The following DHX15 variants were observed in gnomAD, a reference collection of about 807,000 sequenced individuals.
DHX15 encodes the protein DEAH-box helicase 15, also known as ATP-dependent RNA helicase DHX15.
Under a neutral mutation model 94.4 loss-of-function variants are expected in DHX15, and 11 were observed. That is an observed-to-expected ratio of 0.12 (90% confidence interval 0.07 to 0.19). The LOEUF (loss-of-function observed/expected upper bound fraction) is 0.19, where lower values mean the gene tolerates loss of function less well. Ranked by LOEUF, DHX15 falls within the 10% of genes least tolerant of loss-of-function variation. The probability of loss-of-function intolerance (pLI) is 1.00; values close to 1 mark genes in which losing one functional copy is unlikely to be tolerated. For synonymous variants in DHX15, 338 were observed against 329.9 expected, an observed-to-expected ratio of 1.02 and a Z score of -0.27; for missense variants, 304 against 988.5, an observed-to-expected ratio of 0.31 and a Z score of 9.29.
At chr4:24,577,717 A>G (rs2109012341) in intron 1 of DHX15, among the ~76,000 whole-genome samples, 1 of 152,252 alleles carries the variant, frequency 6.6e-6, no homozygotes, top group Non-Finnish European at 1.5e-5. Flanking sequence ...GAACTTCACA[A>G]GCAGAATGGC....
chr4:24,547,953 ATCTATATC>A (rs1721487374), intron 6 of DHX15, among the ~76,000 whole-genome samples: 9 of 124,658 alleles, frequency 7.2e-5, no homozygotes, highest in African/African-American at 3.1e-4. Context: ...CTATATCTAT[ATCTATATC>A]TATCTGCTGA....
intron 2 of DHX15, among the ~76,000 whole-genome samples, chr4:24,575,474 A>T (rs1034385831): frequency 6.6e-6 from 1 of 152,254 alleles, no homozygotes; most frequent in African/African-American, 2.4e-5. Context: ...AATGCAAATT[A>T]AAAAGTACAT....
intron 11 of DHX15, among the ~76,000 whole-genome samples, chr4:24,534,725 CATTTT>C (rs2109393004): frequency 6.6e-6 from 1 of 152,234 alleles, no homozygotes; most frequent in East Asian, 1.9e-4. Context: ...ATTAAGACAA[CATTTT>C]AATTGACATG....
intron 6 of DHX15, among the ~76,000 whole-genome samples, chr4:24,547,925 ATATATATATATATATATCTATATC>A (rs1560765848): frequency 2.4e-4 from 12 of 50,958 alleles, no homozygotes; most frequent in Non-Finnish European, 3.5e-4. Flanking sequence ...ATATATATAT[ATATATATATATATATATCTATATC>A]TATATCTATA....
chr4:24,566,617 G>A (rs1230806819), intron 3 of DHX15, among the ~76,000 whole-genome samples: 1 of 152,140 alleles, frequency 6.6e-6, no homozygotes, highest in East Asian at 1.9e-4. Context: ...CTTGACGTCA[G>A]GAGTTTGAGA....
intron 6 of DHX15, among the ~76,000 whole-genome samples, chr4:24,545,678 C>T (rs1721407110): frequency 6.6e-6 from 1 of 152,204 alleles, no homozygotes; most frequent in African/African-American, 2.4e-5. Flanking sequence ...TTCTTTGGTA[C>T]TTCAGCAGTT....
At chr4:24,568,509 C>A (rs1722045377) in intron 3 of DHX15, among the ~76,000 whole-genome samples, 1 of 152,146 alleles carries the variant, frequency 6.6e-6, no homozygotes, top group South Asian at 2.1e-4. Context: ...AAAAATACTT[C>A]ATTTGAACTA....
rs576749875 is a variant in DHX15 at position 24,565,067 on chromosome 4, C to A, written c.701+5587G>T. Among the ~76,000 whole-genome samples, 3 of 152,222 alleles carry A rather than the reference C, an allele frequency of 2.0e-5. No homozygotes were observed. In the South Asian group the frequency reaches 6.2e-4, roughly 32 times the overall value. On this transcript the variant is annotated intron_variant, in intron 3 of 13. Transcript: ENST00000336812. ...GACAACTAAAAATATATTGCCTATTCCTCAAATTTTCACAAGTTTTAAAGG... is the reference window on the plus strand; with the variant it reads ...GACAACTAAAAATATATTGCCTATTACTCAAATTTTCACAAGTTTTAAAGG...
Position 24,554,731 on chromosome 4 carries a change from A to C in DHX15, c.1074T>G (p.Gly358=). The change falls in exon 5 of 14, where the codon GGT becomes GGG. Residue 358 remains glycine (G), a synonymous_variant. Coordinates refer to ENST00000336812, the MANE Select transcript of DHX15 (RefSeq NM_001358.3). ...AAGAAAATTAAAACAATACCTCTTG[A>C]CCAGTTAAGAAAAGAAGAAGATCTC... ...EEGDLLLFLT[G]QEEIDEACKR... 1 of 1,612,548 alleles carries C rather than the reference A, an allele frequency of 6.2e-7. No individual in the cohort carries two copies. Among genetic ancestry groups the C allele is most frequent in the South Asian group, 1.1e-5 (1 of 91,040 alleles).
At chr4:24,531,079 T>C (rs574281719) in intron 12 of DHX15, among the ~76,000 whole-genome samples, 5 of 149,930 alleles carry the variant, frequency 3.3e-5, no homozygotes, top group South Asian at 4.3e-4. Flanking sequence ...TGCTTGAATA[T>C]AGTTTCATCA....
chr4:24,545,405 T>C (rs190818600), intron 6 of DHX15, among the ~76,000 whole-genome samples: 1 of 152,362 alleles, frequency 6.6e-6, no homozygotes, highest in African/African-American at 2.4e-5. Flanking sequence ...TTAAATTCTG[T>C]AATACTTAAC....
At chr4:24,565,655 G>A (rs555894656) in intron 3 of DHX15, among the ~76,000 whole-genome samples, 1 of 152,154 alleles carries the variant, frequency 6.6e-6, no homozygotes, top group Non-Finnish European at 1.5e-5. Flanking sequence ...CAATTATTGT[G>A]CCAAAAGGAA....
At chr4:24,552,673 T>C (rs1018587119) in intron 5 of DHX15, among the ~76,000 whole-genome samples, 2 of 152,158 alleles carry the variant, frequency 1.3e-5, no homozygotes, top group African/African-American at 4.8e-5. Flanking sequence ...TACTACTAAA[T>C]ACAACAAATG....
chr4:24,536,977 G>C, intron 11 of DHX15, 74 bp downstream of exon 11: 1 of 1,459,696 alleles, frequency 6.9e-7, no homozygotes, highest in South Asian at 1.4e-5. Context: ...ATAAATCAAA[G>C]TGGGACAAAG....
At chr4:24,538,340 T>A (rs892492067) in intron 10 of DHX15, 1 of 152,096 alleles carries the variant, frequency 6.6e-6, no homozygotes, top group Non-Finnish European at 1.5e-5. Context: ...AATAGCCAAA[T>A]AGTGACAACA....
At chr4:24,533,078 A>G in intron 11 of DHX15, 24 bp from the exon 12 acceptor site, 1 of 1,596,324 alleles carries the variant, frequency 6.3e-7, no homozygotes, top group Non-Finnish European at 8.6e-7. Context: ...AGGCGGGGAG[A>G]AAAGAAGGCA....
At chr4:24,550,114 A>AAAAAAAAAAAAAAAAAAAAAAAG in intron 5 of DHX15, among the ~76,000 whole-genome samples, 1 of 142,518 alleles carries the variant, frequency 7.0e-6, no homozygotes, top group Non-Finnish European at 1.6e-5. Context: ...AAAAAAAAAA[A>AAAAAAAAAAAAAAAAAAAAAAAG]AAAAAAAAAC....
Position 24,528,180 on chromosome 4 carries a change from T to C in DHX15, c.2271-139A>G, listed in dbSNP as rs1721000168. On this transcript the variant is annotated intron_variant, in intron 13 of 13. Transcript: ENST00000336812. ...AATTCAAGTCTCAGAAAAATACAAA[T>C]AACTAATCCTTACAAATAGCACTTT... is the stretch of plus-strand genomic sequence containing the variant. The C allele has an allele frequency of 8.4e-6, 5 of 596,864 alleles. No individual in the cohort carries two copies. In the East Asian group the frequency reaches 1.3e-4, roughly 16 times the overall value. The allele number at this position is 596,864 out of a possible 1,614,324, so 37.0% of individuals were successfully genotyped here. A position where few individuals can be genotyped will look rare whatever the true frequency, so the allele number is the denominator to read the frequency against.
At chr4:24,551,672 C>T (rs1017133213) in intron 5 of DHX15, among the ~76,000 whole-genome samples, 1 of 152,054 alleles carries the variant, frequency 6.6e-6, no homozygotes, top group Non-Finnish European at 1.5e-5. Context: ...GATTAGAATG[C>T]CCCCTGCTGG....
Sources: allele counts gnomAD v4.1 joint callset (sites outside exome capture counted in the v4.1 genomes callset), GRCh38; gene constraint gnomAD v4.1.1; transcripts MANE v1.5; gene names NCBI Gene and HGNC (gene_info 2026-07-23, HGNC 2026-07-21).